The following NELL1 variants were observed in gnomAD, a reference collection of about 807,000 sequenced individuals.
The protein encoded by NELL1 is protein kinase C-binding protein NELL1.
Under a neutral mutation model 107.4 loss-of-function variants are expected in NELL1, and 76 were observed. The observed-to-expected ratio is 0.71, with a 90% CI of 0.59 to 0.86. The LOEUF is 0.86. Ranked by LOEUF, NELL1 falls within the 40% of genes least tolerant of loss-of-function variation. The probability of loss-of-function intolerance (pLI) is 0.00; values close to 1 mark genes in which losing one functional copy is unlikely to be tolerated. For missense variants in NELL1, 1,024 were observed against 1,005.5 expected, an observed-to-expected ratio of 1.02 and a Z score of -0.25; for synonymous variants, 353 against 341.2, an observed-to-expected ratio of 1.03 and a Z score of -0.38.
chr11:21,282,342 G>C (rs1849015981), intron 14 of NELL1, among the ~76,000 whole-genome samples: 1 of 151,958 alleles, frequency 6.6e-6, no homozygotes, highest in Non-Finnish European at 1.5e-5. Context: ...ACCACACCTG[G>C]CTAATTTTTG....
chr11:21,338,981 A>C (rs1162523828), intron 14 of NELL1, among the ~76,000 whole-genome samples: 1 of 152,204 alleles, frequency 6.6e-6, no homozygotes, highest in African/African-American at 2.4e-5. Flanking sequence ...AAAAAGATGG[A>C]ATCTCCAGTC....
At chr11:20,691,318 A>G (rs957831367) in intron 2 of NELL1, among the ~76,000 whole-genome samples, 2 of 151,062 alleles carry the variant, frequency 1.3e-5, no homozygotes, top group African/African-American at 2.4e-5. Context: ...TTCCAACACT[A>G]TGTTGAATAG....
rs150305491 is a variant in NELL1, at chr11:21,341,228, A to C, written c.1550-29625A>C. 1.9e-3 allele frequency among the ~76,000 whole-genome samples: 286 copies of C among 152,324 alleles called. 2 individuals are homozygous for C. Among genetic ancestry groups the C allele is most frequent in the African/African-American group, 6.7e-3 (277 of 41,576 alleles). On this transcript the variant is annotated intron_variant, in intron 14 of 19. Transcript: ENST00000357134. ...GACCACTAGAAATCAGCAAAGGCAG[A>C]ATGTTGCAGGTTTGACATCTACATT... is the stretch of plus-strand genomic sequence containing the variant.
At chr11:20,967,854 C>G (rs114242237) in intron 12 of NELL1, among the ~76,000 whole-genome samples, 1 of 152,156 alleles carries the variant, frequency 6.6e-6, no homozygotes, top group Non-Finnish European at 1.5e-5. Flanking sequence ...CAAATTTGGT[C>G]CTGTGTCAGG....
chr11:21,420,192 A>C (rs1479118439), intron 15 of NELL1, among the ~76,000 whole-genome samples: 1 of 152,152 alleles, frequency 6.6e-6, no homozygotes, highest in Non-Finnish European at 1.5e-5. Flanking sequence ...TTGTCGCATA[A>C]CAAGTCATTA....
At chr11:21,100,572 C>T (rs1241049113) in intron 12 of NELL1, among the ~76,000 whole-genome samples, 1 of 152,126 alleles carries the variant, frequency 6.6e-6, no homozygotes, top group African/African-American at 2.4e-5. Flanking sequence ...ATGGAATTAC[C>T]ATATGATCCA....
At chr11:20,691,474 T>C (rs1236742226) in intron 2 of NELL1, among the ~76,000 whole-genome samples, 1 of 152,146 alleles carries the variant, frequency 6.6e-6, no homozygotes, top group East Asian at 1.9e-4. Flanking sequence ...ACCTAATTTA[T>C]TGAGCGTTTT....
At chr11:20,898,611 A>G (rs1303212402) in intron 5 of NELL1, among the ~76,000 whole-genome samples, 2 of 151,326 alleles carry the variant, frequency 1.3e-5, no homozygotes, top group East Asian at 1.9e-4. Context: ...CCACGTCAAC[A>G]TCTATTTTTT....
At chr11:21,288,571 G>A (rs1054314843) in intron 14 of NELL1, among the ~76,000 whole-genome samples, 3 of 152,226 alleles carry the variant, frequency 2.0e-5, no homozygotes, top group East Asian at 3.8e-4. Context: ...CACAGGAGCA[G>A]TGTGACATTG....
intron 13 of NELL1, among the ~76,000 whole-genome samples, chr11:21,146,815 G>GC (rs1041324246): frequency 2.7e-4 from 41 of 151,900 alleles, no homozygotes; most frequent in Non-Finnish European, 5.4e-4. Flanking sequence ...GGCCAAGGTG[G>GC]GGGGGATCAT....
intron 3 of NELL1, among the ~76,000 whole-genome samples, chr11:20,816,062 T>C (rs1857617066): frequency 6.6e-6 from 1 of 152,214 alleles, no homozygotes; most frequent in African/African-American, 2.4e-5. Flanking sequence ...TATAGTCTTA[T>C]AGCATAGTTT....
chr11:20,987,281 T>C (rs539339831), intron 12 of NELL1, among the ~76,000 whole-genome samples: 1 of 152,304 alleles, frequency 6.6e-6, no homozygotes, highest in East Asian at 1.9e-4. Flanking sequence ...AACCTACACA[T>C]CATGGGCTCT....
At chr11:20,866,151 G>T (rs1236141908) in intron 4 of NELL1, among the ~76,000 whole-genome samples, 1 of 152,190 alleles carries the variant, frequency 6.6e-6, no homozygotes, top group African/African-American at 2.4e-5. Flanking sequence ...TCTGTGATGC[G>T]CAAGGAGCTT....
intron 3 of NELL1, among the ~76,000 whole-genome samples, chr11:20,824,202 G>T (rs986513159): frequency 1.3e-5 from 2 of 151,192 alleles, no homozygotes; most frequent in Non-Finnish European, 3.0e-5. Context: ...CTGCTGCCAT[G>T]TGAAGAAGGA....
intron 14 of NELL1, among the ~76,000 whole-genome samples, chr11:21,259,649 C>G (rs1858855590): frequency 6.6e-6 from 1 of 151,802 alleles, no homozygotes. Flanking sequence ...AAGTGACATG[C>G]TTACACTGGT....
At chr11:21,295,948 A>G (rs1849365801) in intron 14 of NELL1, among the ~76,000 whole-genome samples, 1 of 152,034 alleles carries the variant, frequency 6.6e-6, no homozygotes, top group Non-Finnish European at 1.5e-5. Context: ...CTGAGTAAAA[A>G]CAGTCTACTG....
intron 12 of NELL1, among the ~76,000 whole-genome samples, chr11:20,961,113 G>A (rs536711070): frequency 4.6e-5 from 7 of 152,244 alleles, no homozygotes; most frequent in African/African-American, 1.4e-4. Context: ...ATGGGCTGAT[G>A]CCATTACAGT....
At chr11:20,841,319 G>GT (rs397772940) in intron 3 of NELL1, among the ~76,000 whole-genome samples, 4,971 of 123,466 alleles carry the variant, frequency 0.04, 110 homozygotes, top group Non-Finnish European at 0.045. Context: ...CTCTGCTCAT[G>GT]TTTTTTTTTT....
chr11:21,281,611 T>C (rs1183885531), intron 14 of NELL1, among the ~76,000 whole-genome samples: 2 of 152,038 alleles, frequency 1.3e-5, no homozygotes, highest in Non-Finnish European at 2.9e-5. Context: ...GCCCAGTGCT[T>C]TGATGGCTTA....
Sources: allele counts gnomAD v4.1 joint callset (sites outside exome capture counted in the v4.1 genomes callset), GRCh38; gene constraint gnomAD v4.1.1; transcripts MANE v1.5; gene names NCBI Gene and HGNC (gene_info 2026-07-23, HGNC 2026-07-21).